The following PSD3 variants were observed in gnomAD, a reference collection of about 807,000 sequenced individuals.
PSD3 encodes the protein PH and SEC7 domain-containing protein 3.
PSD3 carries 49 observed loss-of-function variants against 105.5 expected under a neutral mutation model. The ratio of observed to expected loss-of-function variants is 0.46; its 90% CI spans 0.37 to 0.59. The LOEUF is 0.59. PSD3 is among the 20% of genes least tolerant of loss of function. PSD3 has a pLI of 0.00. For synonymous variants in PSD3, 557 were observed against 457.8 expected (o/e 1.22, Z -2.77); for missense variants, 1,561 against 1,263.8 (o/e 1.24, Z -3.57).
At chr8:18,583,757 C>A (rs1443651833) in intron 12 of PSD3, among the ~76,000 whole-genome samples, 1 of 152,184 alleles carries the variant, frequency 6.6e-6, no homozygotes, top group African/African-American at 2.4e-5. Flanking sequence ...ACCCTCCTCT[C>A]TTTGTAGCAT....
chr8:18,739,431 T>G (rs1308662135), intron 9 of PSD3, among the ~76,000 whole-genome samples: 1 of 152,214 alleles, frequency 6.6e-6, no homozygotes. Context: ...TACAGTGCCT[T>G]TGTCTGGACT....
In PSD3 at chr8:18,812,306, C is replaced by A. The variant is rs11994934; in HGVS notation, c.1635-7408G>T. Among the ~76,000 whole-genome samples the A allele has an allele frequency of 8.6e-3, 1,316 of 152,316 alleles. 19 individuals are homozygous for A. The highest frequency in any genetic ancestry group is 0.03 in the African/African-American group (1,250 of 41,560). ...ACTGCAATGCCCCAGAACACCTCTG[C>A]AGAGTTGGGGAACGACTTTGTTGTT... On this transcript the variant is annotated intron_variant, in intron 4 of 15. Transcript: ENST00000327040.
At chr8:18,596,327 T>G (rs1171857212) in intron 12 of PSD3, among the ~76,000 whole-genome samples, 1 of 151,922 alleles carries the variant, frequency 6.6e-6, no homozygotes, top group Non-Finnish European at 1.5e-5. Flanking sequence ...AAACAACCTG[T>G]TTTTACACCA....
chr8:18,600,920 A>G (rs1354518720), intron 11 of PSD3, among the ~76,000 whole-genome samples: 1 of 151,800 alleles, frequency 6.6e-6, no homozygotes, highest in Non-Finnish European at 1.5e-5. Flanking sequence ...TTTCTCCCAT[A>G]CCCCCCTCAA....
intron 8 of PSD3, chr8:18,775,059 T>G (rs1807915612): frequency 1.2e-5 from 5 of 420,944 alleles, no homozygotes; most frequent in Non-Finnish European, 2.4e-5. Context: ...ACTCTCTACC[T>G]TCATGAAATC....
intron 1 of PSD3, among the ~76,000 whole-genome samples, chr8:18,953,849 T>C (rs1823395841): frequency 6.6e-6 from 1 of 152,154 alleles, no homozygotes; most frequent in Non-Finnish European, 1.5e-5. Context: ...CTGACATGGA[T>C]GTATGCCAAC....
intron 4 of PSD3, among the ~76,000 whole-genome samples, chr8:18,852,669 C>T (rs528685980): frequency 2.6e-5 from 4 of 152,138 alleles, no homozygotes; most frequent in African/African-American, 4.8e-5. Flanking sequence ...CTGACTGAGA[C>T]GAGAACAGAG....
chr8:18,738,627 T>C (rs1009813482), intron 9 of PSD3, among the ~76,000 whole-genome samples: 2 of 152,100 alleles, frequency 1.3e-5, no homozygotes, highest in African/African-American at 4.8e-5. Flanking sequence ...GGTTAAACCT[T>C]AACACAAGTA....
intron 1 of PSD3, among the ~76,000 whole-genome samples, chr8:19,046,103 T>C (rs1828307307): frequency 6.6e-6 from 1 of 152,058 alleles, no homozygotes; most frequent in African/African-American, 2.4e-5. Context: ...GTGAAGTAAC[T>C]AGATCTTTTG....
chr8:18,532,632 G>A lies in PSD3; in HGVS notation c.*3111C>T, dbSNP rs1227523261. The stretch of plus-strand genomic sequence containing the variant: ...GTATTGCTCAGTTTAATTAGACACT[G>A]CTGAGAGTTAGCAAAATGATGTTTC... On this transcript the variant is annotated 3_prime_UTR_variant, in exon 16 of 16. Transcript: ENST00000327040. The A allele has an allele frequency of 6.6e-6, 1 of 152,212 alleles. No individual in the cohort carries two copies. Among genetic ancestry groups the A allele is most frequent in the Non-Finnish European group, 1.5e-5 (1 of 68,040 alleles). The allele number at this position is 152,212 out of a possible 1,614,324, so 9.4% of individuals were successfully genotyped here.
intron 1 of PSD3, among the ~76,000 whole-genome samples, chr8:18,939,446 G>A (rs758265146): frequency 4.6e-5 from 7 of 151,338 alleles, no homozygotes; most frequent in Admixed American, 1.3e-4. Flanking sequence ...ATGTATACTC[G>A]TCCCTAGTTT....
chr8:18,685,643 A>C (rs563393008), intron 9 of PSD3, among the ~76,000 whole-genome samples: 2 of 152,196 alleles, frequency 1.3e-5, no homozygotes, highest in Non-Finnish European at 2.9e-5. Context: ...TCTCAGAATT[A>C]AGAAAAATTC....
At chr8:18,984,880 C>G (rs1429018902) in intron 1 of PSD3, among the ~76,000 whole-genome samples, 2 of 152,182 alleles carry the variant, frequency 1.3e-5, no homozygotes, top group African/African-American at 4.8e-5. Context: ...ACCAACTTAA[C>G]CAGCTCAATG....
intron 4 of PSD3, among the ~76,000 whole-genome samples, chr8:18,814,793 T>C (rs1013679998): frequency 2.6e-5 from 4 of 152,194 alleles, no homozygotes; most frequent in Middle Eastern, 3.2e-3. Flanking sequence ...ACCAACTCAT[T>C]TTTCTGGAGT....
At chr8:18,826,259 T>C (rs937326796) in intron 4 of PSD3, among the ~76,000 whole-genome samples, 3 of 152,206 alleles carry the variant, frequency 2.0e-5, no homozygotes, top group Admixed American at 6.5e-5. Context: ...AGCTCGCAGA[T>C]GGCCGATCGT....
chr8:18,705,227 G>A (rs79647856), intron 9 of PSD3, among the ~76,000 whole-genome samples: 8,618 of 152,096 alleles, frequency 0.057, 818 homozygotes, highest in African/African-American at 0.2. Context: ...CAATAACAAT[G>A]TCTAAAAATG....
chr8:18,669,866 A>G (rs543853360), intron 9 of PSD3, among the ~76,000 whole-genome samples: 36 of 152,356 alleles, frequency 2.4e-4, no homozygotes, highest in Non-Finnish European at 4.9e-4. Context: ...CATGTTTGTA[A>G]CACTTATAAT....
intron 9 of PSD3, among the ~76,000 whole-genome samples, chr8:18,673,923 C>T (rs1266717521): frequency 6.6e-6 from 1 of 152,104 alleles, no homozygotes; most frequent in African/African-American, 2.4e-5. Flanking sequence ...AGGAGGATTG[C>T]TTGAGCCCAG....
At chr8:18,723,348 C>A (rs1221769449) in intron 9 of PSD3, among the ~76,000 whole-genome samples, 1 of 152,152 alleles carries the variant, frequency 6.6e-6, no homozygotes, top group Non-Finnish European at 1.5e-5. Context: ...TCTGCAAATG[C>A]CTTTGTGCAT....
Sources: gnomAD v4.1 joint callset for allele counts (sites outside exome capture counted in the v4.1 genomes callset) on GRCh38, gnomAD v4.1.1 for gene constraint, MANE v1.5 for transcripts, NCBI Gene and HGNC (gene_info 2026-07-23, HGNC 2026-07-21) for gene names.